Variants in LEPR observed in about 807,000 individuals in gnomAD.
LEPR encodes the protein OB receptor.
In LEPR, 56 loss-of-function variants were observed where a neutral mutation model predicts 114.7. The ratio of observed to expected loss-of-function variants is 0.49; its 90% CI spans 0.39 to 0.61. LEPR has a LOEUF of 0.61. LEPR is among the 20% of genes least tolerant of loss of function. The probability of loss-of-function intolerance (pLI) is 0.00; values close to 1 mark genes in which losing one functional copy is unlikely to be tolerated. For synonymous variants in LEPR, 443 were observed against 461.4 expected (o/e 0.96, Z 0.51); for missense variants, 1,202 against 1,352.9 (o/e 0.89, Z 1.75).
At chr1:65,463,539 G>T (rs1388329398) in intron 2 of LEPR, among the ~76,000 whole-genome samples, 1 of 152,150 alleles carries the variant, frequency 6.6e-6, no homozygotes, top group African/African-American at 2.4e-5. Context: ...CTTTACAGTA[G>T]TTTTTTCCAA....
chr1:65,614,134 T>C (rs143327499), intron 14 of LEPR, among the ~76,000 whole-genome samples: 1 of 152,318 alleles, frequency 6.6e-6, no homozygotes, highest in East Asian at 1.9e-4. Flanking sequence ...TAAGTCTACA[T>C]AGAAACTTGC....
rs537806289 is a variant in LEPR, at chr1:65,546,923, C to G, written c.-20-18623C>G. On this transcript the variant is annotated intron_variant, in intron 2 of 19. Coordinates refer to ENST00000349533, the MANE Select transcript of LEPR (RefSeq NM_002303.6). ...GGAATGCTTCCAGTTTTTGCCCATT[C>G]AGTATGATATTGGCTGTGGATTTGT... Among the ~76,000 whole-genome samples the G allele has an allele frequency of 4.9e-4, 75 of 152,246 alleles. No individual in the cohort carries two copies. The East Asian group carries it at 0.014, about 28-fold the overall frequency.
intron 10 of LEPR, among the ~76,000 whole-genome samples, chr1:65,602,905 C>T (rs1199968125): frequency 1.1e-4 from 17 of 152,192 alleles, no homozygotes; most frequent in Admixed American, 1.0e-3. Flanking sequence ...TAGAATTGTT[C>T]ATGATATGAA....
At chr1:65,512,453 G>T (rs1305206130) in intron 2 of LEPR, among the ~76,000 whole-genome samples, 5 of 152,170 alleles carry the variant, frequency 3.3e-5, no homozygotes, top group Non-Finnish European at 2.9e-5. Context: ...CAAGGTGTAG[G>T]AGCAGTAGAC....
Position 65,533,819 on chromosome 1 carries a change from C to A in LEPR, c.-20-31727C>A, listed in dbSNP as rs191470352. Among the ~76,000 whole-genome samples, 254 of 152,176 alleles carry A rather than the reference C, an allele frequency of 1.7e-3. No individual in the cohort carries two copies. The Middle Eastern group carries it at 0.017, about 10-fold the overall frequency. ...CAATTTGGAGTAAGCTTCTTGATTT[C>A]TAATGTTTCTTTTTGCATTAAAGCC... On this transcript the variant is annotated intron_variant, in intron 2 of 19. Transcript: ENST00000349533.
At chr1:65,486,474 TGTG>T (rs1220682783) in intron 2 of LEPR, 1 of 152,204 alleles carries the variant, frequency 6.6e-6, no homozygotes, top group African/African-American at 2.4e-5. Flanking sequence ...GTGAGCTCCA[TGTG>T]GTGAAGGACC....
intron 2 of LEPR, chr1:65,431,925 T>C (rs1398024969): frequency 1.2e-6 from 2 of 1,612,692 alleles, no homozygotes; most frequent in Non-Finnish European, 1.7e-6. Context: ...GGTAGCACTT[T>C]ATTCTGATTA....
intron 2 of LEPR, among the ~76,000 whole-genome samples, chr1:65,468,778 A>G (rs571875673): frequency 2.0e-5 from 3 of 152,330 alleles, no homozygotes; most frequent in South Asian, 2.1e-4. Context: ...ATGCGGATGC[A>G]TTGTGTACAT....
Position 65,636,247 on chromosome 1 carries a change from T to C in LEPR, c.2730T>C (p.Pro910=). The C allele has an allele frequency of 6.2e-7, 1 of 1,614,000 alleles. No homozygotes were observed. The part of the protein sequence containing the change: ...IKHTASVTCG[P]LLLEPETISE... ...ATACAGCATCAGTGACATGTGGTCC[T>C]CTTCTTTTGGAGCCTGAAACAATTT... Residue 910 remains proline, a synonymous_variant, in exon 20 of 20, where the codon CCT becomes CCC. Coordinates refer to ENST00000349533, the MANE Select transcript of LEPR (RefSeq NM_002303.6).
intron 2 of LEPR, among the ~76,000 whole-genome samples, chr1:65,452,053 G>T (rs1178856354): frequency 6.6e-6 from 1 of 151,616 alleles, no homozygotes; most frequent in Non-Finnish European, 1.5e-5. Context: ...GTGAATGGGA[G>T]TTCACTCATG....
intron 2 of LEPR, among the ~76,000 whole-genome samples, chr1:65,517,041 G>C (rs554352121): frequency 1.3e-5 from 2 of 152,068 alleles, no homozygotes; most frequent in Non-Finnish European, 2.9e-5. Flanking sequence ...TTAGTGTTTC[G>C]AGTAATCTCC....
intron 5 of LEPR, among the ~76,000 whole-genome samples, chr1:65,585,662 T>C (rs7539528): frequency 0.51 from 77,920 of 151,536 alleles, 20,704 homozygotes; most frequent in East Asian, 0.89. Flanking sequence ...TTTGTATATG[T>C]GTATGTATAC....
rs559679841 is a variant in LEPR at position 65,451,167 on chromosome 1, C to G, written c.-21+25789C>G. On this transcript the variant is annotated intron_variant, in intron 2 of 19. Transcript: ENST00000349533. ...AATTACTTTGAGTTCATTGTAGATT[C>G]TGGATATTAGCCCTTTGGCAGATGA... 3.3e-5 allele frequency among the ~76,000 whole-genome samples: 5 copies of G among 152,222 alleles called. No individual in the cohort carries two copies. In the East Asian group the frequency reaches 7.7e-4, roughly 24 times the overall value.
chr1:65,608,499 C>T (rs963773356), intron 11 of LEPR, among the ~76,000 whole-genome samples: 1 of 152,122 alleles, frequency 6.6e-6, no homozygotes, highest in African/African-American at 2.4e-5. Flanking sequence ...TAATCAGGTA[C>T]TACTACTAGC....
chr1:65,635,172 T>TATTA, intron 19 of LEPR: 1 of 956,806 alleles, frequency 1.0e-6, no homozygotes, highest in Non-Finnish European at 1.2e-6. Context: ...ATCTGAATTC[T>TATTA]ATTAGTTTAA....
At chr1:65,463,614 A>G (rs767998610) in intron 2 of LEPR, among the ~76,000 whole-genome samples, 1 of 152,178 alleles carries the variant, frequency 6.6e-6, no homozygotes, top group Non-Finnish European at 1.5e-5. Context: ...TACCTTGGGC[A>G]GTATAGCCAT....
At chr1:65,537,378 C>A (rs1650852580) in intron 2 of LEPR, among the ~76,000 whole-genome samples, 1 of 152,150 alleles carries the variant, frequency 6.6e-6, no homozygotes, top group Non-Finnish European at 1.5e-5. Context: ...ATAACCTGAC[C>A]CTAGGAACAA....
intron 10 of LEPR, among the ~76,000 whole-genome samples, chr1:65,604,624 T>G (rs932229667): frequency 2.0e-5 from 3 of 152,174 alleles, no homozygotes; most frequent in Non-Finnish European, 4.4e-5. Flanking sequence ...GCCTTCTGCC[T>G]GTCTTTTAAA....
Position 65,549,737 on chromosome 1 carries a change from A to G in LEPR, c.-20-15809A>G, listed in dbSNP as rs1481268081. Among the ~76,000 whole-genome samples, 3 of 152,046 alleles carry G rather than the reference A, an allele frequency of 2.0e-5. No homozygotes were observed. The South Asian group carries it at 6.2e-4, about 32-fold the overall frequency. On this transcript the variant is annotated intron_variant, in intron 2 of 19. Coordinates refer to ENST00000349533, the MANE Select transcript of LEPR (RefSeq NM_002303.6). ...GTCTAAATTTTTTTCAAAGTTTTCAACTTCTTTGCCTTTGGTTTGAATTTC... is the reference window on the plus strand; with the variant it reads ...GTCTAAATTTTTTTCAAAGTTTTCAGCTTCTTTGCCTTTGGTTTGAATTTC...
Sources: gnomAD v4.1 joint callset for allele counts (sites outside exome capture counted in the v4.1 genomes callset) on GRCh38, gnomAD v4.1.1 for gene constraint, MANE v1.5 for transcripts, NCBI Gene and HGNC (gene_info 2026-07-23, HGNC 2026-07-21) for gene names.